ZNF880: variants seen among roughly 807,000 people sequenced by gnomAD.
ZNF880 encodes zinc finger protein LOC400713.
In ZNF880, 12 loss-of-function variants were observed where a neutral mutation model predicts 11.8. The ratio of observed to expected loss-of-function variants is 1.02; its 90% CI spans 0.65 to 1.65. The LOEUF is 1.65. Among genes scored for constraint, ZNF880 ranks in the 40% most tolerant of loss-of-function variants. ZNF880 has a pLI of 0.00. For synonymous variants in ZNF880, 210 were observed against 232.4 expected (o/e 0.90, Z 0.88); for missense variants, 601 against 673.9 (o/e 0.89, Z 1.20).
downstream of ZNF880, among the ~76,000 whole-genome samples, chr19:52,388,560 G>A (rs113522805): frequency 4.5e-3 from 681 of 152,172 alleles, 2 homozygotes; most frequent in Admixed American, 6.7e-3. Flanking sequence ...ACAGGTGTGA[G>A]CCACCATGCT....
At position 52,384,406 on chromosome 19, in the gene ZNF880, G is replaced by C; in HGVS notation, c.826G>C (p.Val276Leu). ...TTACAAATGTCATGAGTGTGGCAAA[G>C]TCTTCACTCAAAATTCTCACCTTGC... ...KPYKCHECGK[V>L]FTQNSHLANH... is the part of the protein sequence containing the mutation. Residue 276 changes from valine to leucine, a missense_variant, in exon 4 of 4, where the codon GTC becomes CTC. Physicochemically the swap from Val to Leu is conservative, Grantham distance 32 (BLOSUM62 1). Coordinates refer to ENST00000422689, the MANE Select transcript of ZNF880 (RefSeq NM_001145434.2). The C allele has an allele frequency of 1.2e-6, 2 of 1,614,106 alleles. No homozygotes were observed. Among genetic ancestry groups the C allele is most frequent in the Non-Finnish European group, 1.7e-6 (2 of 1,179,970 alleles).
the ZNF880 span, among the ~76,000 whole-genome samples, chr19:52,393,917 A>C: frequency 4.1e-5 from 6 of 146,846 alleles, no homozygotes; most frequent in African/African-American, 1.3e-4. Context: ...GCTCACTGCA[A>C]GCTCCGCCTC....
the ZNF880 span, chr19:52,394,742 T>C: frequency 6.6e-6 from 1 of 152,246 alleles, no homozygotes; most frequent in African/African-American, 2.4e-5. Context: ...TATGGGTCCA[T>C]AGTTCTGTGA....
chr19:52,393,826 G>C, the ZNF880 span, among the ~76,000 whole-genome samples: 38 of 121,992 alleles, frequency 3.1e-4, no homozygotes, highest in African/African-American at 1.1e-3. Flanking sequence ...GTATTTCTTT[G>C]CCCCCCCCCT....
Position 52,374,283 on chromosome 19 carries a change from T to C in ZNF880, c.140-16T>C. 6.2e-7 allele frequency: 1 copy of C among 1,608,974 alleles called. No individual in the cohort carries two copies. The highest frequency in any genetic ancestry group is 1.7e-4 in the Middle Eastern group (1 of 6,034). ...TTAGCCAGGATAGTCTTGATATTCT[T>C]TCTTTTTTTAAATAGGAATCTGTCT... On this transcript the variant is annotated splice_polypyrimidine_tract_variant and intron_variant, in intron 2 of 3. Coordinates refer to ENST00000422689, the MANE Select transcript of ZNF880 (RefSeq NM_001145434.2).
the ZNF880 span, among the ~76,000 whole-genome samples, chr19:52,393,665 C>A: frequency 6.6e-6 from 1 of 151,910 alleles, no homozygotes; most frequent in Non-Finnish European, 1.5e-5. Context: ...AGGTATTAAC[C>A]CTATGTGTCA....
chr19:52,373,669 AT>A lies in ZNF880; in HGVS notation c.139+455del, dbSNP rs35788651. On this transcript the variant is annotated intron_variant, in intron 2 of 3. Transcript: ENST00000422689. ...GGATGAATTCATGTGAAATACTGTA[AT>A]TTTTTTTTTTTTTTTTTTTTTTGAG... 1.7e-3 allele frequency among the ~76,000 whole-genome samples: 173 copies of A among 102,550 alleles called. No homozygotes were observed. In the East Asian group the frequency reaches 0.018, roughly 11 times the overall value. 67.3% of individuals were successfully genotyped at this position (102,550 alleles called of 152,430 possible).
At chr19:52,393,369 G>GGAGCAATCATACATA in the ZNF880 span, among the ~76,000 whole-genome samples, 1 of 151,534 alleles carries the variant, frequency 6.6e-6, no homozygotes, top group Admixed American at 6.6e-5. Flanking sequence ...CACCATGCCT[G>GGAGCAATCATACATA]GCCTAAATCC....
chr19:52,387,452 C>CT (rs10646059), downstream of ZNF880, among the ~76,000 whole-genome samples: 79 of 127,260 alleles, frequency 6.2e-4, 6 homozygotes, highest in Admixed American at 1.8e-3. Context: ...ATGACAAATA[C>CT]TTTTTTTTTT....
At chr19:52,394,527 G>C in the ZNF880 span, among the ~76,000 whole-genome samples, 1 of 152,072 alleles carries the variant, frequency 6.6e-6, no homozygotes, top group Non-Finnish European at 1.5e-5. Context: ...GAGCCACCAT[G>C]CCTGGCTGAT....
At chr19:52,391,091 TAGGG>T in the ZNF880 span, 4 of 151,628 alleles carry the variant, frequency 2.6e-5, no homozygotes, top group African/African-American at 9.7e-5. Flanking sequence ...TTCAGCAAGA[TAGGG>T]AGAGGGGCAG....
downstream of ZNF880, among the ~76,000 whole-genome samples, chr19:52,388,155 G>C (rs1455143722): frequency 6.6e-6 from 1 of 151,616 alleles, no homozygotes; most frequent in Admixed American, 6.6e-5. Context: ...GGGGATTACA[G>C]GTGTGAGCCA....
At chr19:52,369,783 C>G, upstream of ZNF880, 1 of 658,596 alleles carries the variant, frequency 1.5e-6, no homozygotes, top group Non-Finnish European at 2.7e-6. Context: ...CAATCTATTT[C>G]CAGATAGCTG....
chr19:52,371,921 A>G (rs1398527505), intron 1 of ZNF880, among the ~76,000 whole-genome samples: 4 of 151,920 alleles, frequency 2.6e-5, no homozygotes, highest in Non-Finnish European at 4.4e-5. Flanking sequence ...TGGGTGAGGT[A>G]GCTTACGCCT....
At chr19:52,374,595 C>A in intron 3 of ZNF880, 168 bp downstream of exon 3, 1 of 873,754 alleles carries the variant, frequency 1.1e-6, no homozygotes, top group Non-Finnish European at 1.9e-6. Context: ...CCTCTGCTTC[C>A]GAAAGTGGTG....
the ZNF880 span, among the ~76,000 whole-genome samples, chr19:52,393,067 GT>G: frequency 0.36 from 51,183 of 141,614 alleles, 8,451 homozygotes; most frequent in Middle Eastern, 0.43. Flanking sequence ...AATCCTGTTA[GT>G]TTTTTTTTTT....
rs754352935 is a variant in ZNF880, at chr19:52,384,810, T to G, written c.1230T>G (p.Cys410Trp). 24 of 1,611,312 alleles carry G rather than the reference T, an allele frequency of 1.5e-5. No individual in the cohort carries two copies. Among genetic ancestry groups the G allele is most frequent in the Non-Finnish European group, 2.0e-5 (24 of 1,178,376 alleles). The part of the protein sequence containing the change: ...RMHTGEQPYK[C>W]NECGKAFRDC... ...ACACGGGAGAGCAACCTTACAAATG[T>G]AATGAATGTGGCAAAGCATTTAGAG... The change falls in exon 4 of 4, where the codon TGT becomes TGG. Residue 410 changes from cysteine to tryptophan, a missense_variant. This residue lies in a region of ZNF880 where 177 missense variants were observed against 214.5 expected (regional missense o/e 0.83). Transcript: ENST00000422689.
At chr19:52,391,478 C>A in the ZNF880 span, 1 of 150,504 alleles carries the variant, frequency 6.6e-6, no homozygotes, top group Admixed American at 6.6e-5. Flanking sequence ...GGAAGAAGGG[C>A]TTGAAATGAG....
chr19:52,386,178 A>G (rs1405876733), downstream of ZNF880, among the ~76,000 whole-genome samples: 1 of 141,108 alleles, frequency 7.1e-6, no homozygotes, highest in African/African-American at 2.8e-5. Context: ...TCTCAAAAAA[A>G]AAAAAAAAAA....
Sources: gnomAD v4.1 joint callset for allele counts (sites outside exome capture counted in the v4.1 genomes callset) on GRCh38, gnomAD v4.1.1 for gene constraint, gnomAD v4.1.1 regional missense constraint, MANE v1.5 for transcripts, NCBI Gene and HGNC (gene_info 2026-07-23, HGNC 2026-07-21) for gene names.